The following TMEM131 variants were observed in gnomAD, a reference collection of about 807,000 sequenced individuals.
The protein encoded by TMEM131 is 2610524E03Rik.
TMEM131 carries 66 observed loss-of-function variants against 211.6 expected under a neutral mutation model. The ratio of observed to expected loss-of-function variants is 0.31; its 90% CI spans 0.26 to 0.38. The LOEUF is 0.38. TMEM131 is among the 10% of genes least tolerant of loss of function. The probability of loss-of-function intolerance (pLI) is 1.00; values close to 1 mark genes in which losing one functional copy is unlikely to be tolerated. For synonymous variants in TMEM131, 844 were observed against 841.3 expected, an observed-to-expected ratio of 1.00 and a Z score of -0.06; for missense variants, 2,036 against 2,299.3, an observed-to-expected ratio of 0.89 and a Z score of 2.34.
chr2:97,902,704 T>C (rs1400009467), intron 3 of TMEM131, among the ~76,000 whole-genome samples: 1 of 152,164 alleles, frequency 6.6e-6, no homozygotes, highest in African/African-American at 2.4e-5. Flanking sequence ...GGTGTGTCTG[T>C]GTGGGTGTTG....
intron 4 of TMEM131, among the ~76,000 whole-genome samples, chr2:97,864,614 C>T (rs1674199101): frequency 6.6e-6 from 1 of 152,146 alleles, no homozygotes; most frequent in Non-Finnish European, 1.5e-5. Context: ...GCTGGCTCTT[C>T]CTGCCATCTT....
chr2:97,781,236 G>A (rs904240014), intron 31 of TMEM131, among the ~76,000 whole-genome samples: 2 of 152,178 alleles, frequency 1.3e-5, no homozygotes, highest in African/African-American at 2.4e-5. Flanking sequence ...CTTGCACAGC[G>A]CCCAGCACGT....
chr2:97,788,532 C>T (rs2104868875), intron 31 of TMEM131, among the ~76,000 whole-genome samples: 1 of 152,342 alleles, frequency 6.6e-6, no homozygotes, highest in East Asian at 1.9e-4. Flanking sequence ...ATCTGCACAC[C>T]TGCGGACTGT....
At chr2:97,783,370 AAAATAT>A (rs1680103393) in intron 31 of TMEM131, among the ~76,000 whole-genome samples, 1 of 152,296 alleles carries the variant, frequency 6.6e-6, no homozygotes, top group African/African-American at 2.4e-5. Flanking sequence ...GATTAGGAAA[AAAATAT>A]AAATAAAACA....
chr2:97,838,538 G>A (rs1304960348), intron 7 of TMEM131, among the ~76,000 whole-genome samples: 1 of 143,908 alleles, frequency 6.9e-6, no homozygotes, highest in Non-Finnish European at 1.5e-5. Context: ...TCTGCCTCCT[G>A]GGTTCAAGTG....
At chr2:97,888,543 C>G (rs565336974) in intron 3 of TMEM131, among the ~76,000 whole-genome samples, 2 of 152,240 alleles carry the variant, frequency 1.3e-5, no homozygotes, top group Admixed American at 6.5e-5. Flanking sequence ...TGGCAAAGGA[C>G]TAAACAAAAA....
chr2:97,795,389 T>A (rs986128047), intron 28 of TMEM131, among the ~76,000 whole-genome samples: 7 of 152,198 alleles, frequency 4.6e-5, no homozygotes, highest in Non-Finnish European at 1.0e-4. Context: ...GAGCTTCATG[T>A]CCTTCTCTCC....
intron 30 of TMEM131, 92 bp from the exon 31 acceptor site, chr2:97,793,076 A>T: frequency 1.1e-6 from 1 of 935,800 alleles, no homozygotes; most frequent in South Asian, 1.8e-5. Context: ...CAGCCACCAT[A>T]AATATAAACT....
chr2:97,858,937 G>GCT (rs1673956392), intron 5 of TMEM131, among the ~76,000 whole-genome samples: 2 of 152,206 alleles, frequency 1.3e-5, no homozygotes, highest in Non-Finnish European at 2.9e-5. Flanking sequence ...ACAGTTTACA[G>GCT]AACTGTGTGC....
chr2:97,891,735 T>A (rs771235465), intron 3 of TMEM131, among the ~76,000 whole-genome samples: 3 of 152,142 alleles, frequency 2.0e-5, no homozygotes, highest in Non-Finnish European at 4.4e-5. Context: ...CAAAAGATAC[T>A]CTTTGGCCCA....
intron 12 of TMEM131, among the ~76,000 whole-genome samples, chr2:97,816,065 G>T (rs913662444): frequency 6.6e-6 from 1 of 152,160 alleles, no homozygotes; most frequent in Non-Finnish European, 1.5e-5. Context: ...TCCTGGCTGG[G>T]TGCAGTGCCT....
intron 4 of TMEM131, 75 bp downstream of exon 4, chr2:97,887,977 A>G: frequency 8.3e-7 from 1 of 1,212,012 alleles, no homozygotes; most frequent in Non-Finnish European, 1.2e-6. Flanking sequence ...AACACAGGCA[A>G]AAGACAAGAC....
At chr2:97,986,778 C>T (rs914189682) in intron 1 of TMEM131, among the ~76,000 whole-genome samples, 1 of 152,202 alleles carries the variant, frequency 6.6e-6, no homozygotes, top group Admixed American at 6.5e-5. Context: ...GCCCATGTCA[C>T]CAATCCATAG....
At chr2:97,967,059 C>G (rs1679091453) in intron 1 of TMEM131, among the ~76,000 whole-genome samples, 1 of 151,102 alleles carries the variant, frequency 6.6e-6, no homozygotes, top group South Asian at 2.1e-4. Context: ...CGGCACACTT[C>G]TTAGATGGGG....
At chr2:97,977,071 A>G (rs1218501227) in intron 1 of TMEM131, among the ~76,000 whole-genome samples, 1 of 152,156 alleles carries the variant, frequency 6.6e-6, no homozygotes. Context: ...AACTTCCAGA[A>G]AAGAATACAG....
chr2:97,947,767 G>T (rs1011098349), intron 1 of TMEM131, among the ~76,000 whole-genome samples: 6 of 152,100 alleles, frequency 3.9e-5, no homozygotes, highest in African/African-American at 7.2e-5. Flanking sequence ...AACAAGATTG[G>T]AGGACTCAAC....
Position 97,796,926 on chromosome 2 carries a change from C to G in TMEM131, c.2931G>C (p.Leu977Phe), listed in dbSNP as rs2104905092. ...MVQGQGTTEN[L>F]RVAGKLPGPG... is the part of the protein sequence containing the mutation. ...GACCTGGAAGCTTGCCTGCCACCCT[C>G]AAGTTCTCAGTTGTTCCTTGTCCTT... is the stretch of plus-strand genomic sequence containing the variant. The change falls in exon 27 of 41, where the codon TTG becomes TTC. Residue 977 changes from leucine to phenylalanine, a missense_variant. By Grantham distance (22) the Leu-to-Phe change is conservative. Around this residue, in one of 3 missense-constraint regions of TMEM131, gnomAD observed 1,623 missense variants for 1,805.9 expected, o/e 0.90. Transcript: ENST00000186436. The G allele has an allele frequency of 1.2e-6, 2 of 1,613,976 alleles. No individual in the cohort carries two copies. The highest frequency in any genetic ancestry group is 1.7e-6 in the Non-Finnish European group (2 of 1,179,860).
intron 15 of TMEM131, among the ~76,000 whole-genome samples, chr2:97,812,988 T>C (rs1465369447): frequency 6.6e-6 from 1 of 150,968 alleles, no homozygotes; most frequent in Non-Finnish European, 1.5e-5. Context: ...CGAGACTCCA[T>C]CTAAAAAAAA....
chr2:97,846,466 T>C (rs1190866308), intron 5 of TMEM131, among the ~76,000 whole-genome samples: 2 of 152,166 alleles, frequency 1.3e-5, no homozygotes, highest in African/African-American at 4.8e-5. Context: ...CAGCATATAA[T>C]TTGACAAAAT....
Sources: allele counts gnomAD v4.1 joint callset (sites outside exome capture counted in the v4.1 genomes callset), GRCh38; gene constraint gnomAD v4.1.1; regional missense constraint gnomAD v4.1.1; transcripts MANE v1.5; gene names NCBI Gene and HGNC (gene_info 2026-07-23, HGNC 2026-07-21).